FHIT: variants seen among roughly 807,000 people sequenced by gnomAD.
The protein encoded by FHIT is fragile histidine triad diadenosine triphosphatase, also known as bis(5'-adenosyl)-triphosphatase.
FHIT carries 19 observed loss-of-function variants against 17.9 expected under a neutral mutation model. That is an observed-to-expected ratio of 1.06 (90% CI 0.74 to 1.56). The LOEUF (loss-of-function observed/expected upper bound fraction) is 1.56, where lower values mean the gene tolerates loss of function less well. FHIT is among the 40% of genes most tolerant of loss of function. The pLI is 0.00. For missense variants in FHIT, 248 were observed against 189.2 expected, an observed-to-expected ratio of 1.31 and a Z score of -1.82; for synonymous variants, 81 against 69.7, an observed-to-expected ratio of 1.16 and a Z score of -0.81.
chr3:59,786,639 T>C (rs1308399847), intron 8 of FHIT, among the ~76,000 whole-genome samples: 1 of 152,268 alleles, frequency 6.6e-6, no homozygotes, highest in African/African-American at 2.4e-5. Context: ...CTGTGGCTCA[T>C]CTGTAACCTC....
intron 5 of FHIT, among the ~76,000 whole-genome samples, chr3:60,513,630 A>C (rs538150909): frequency 2.0e-5 from 3 of 152,190 alleles, no homozygotes; most frequent in Non-Finnish European, 4.4e-5. Flanking sequence ...ACCAAACACC[A>C]CATGTTCTCA....
chr3:60,638,482 C>G (rs1420729520), intron 4 of FHIT, among the ~76,000 whole-genome samples: 3 of 152,104 alleles, frequency 2.0e-5, no homozygotes, highest in African/African-American at 7.2e-5. Context: ...ATCAGTGGTT[C>G]CCATACTTTG....
chr3:60,466,975 A>G (rs1431024894), intron 5 of FHIT, among the ~76,000 whole-genome samples: 1 of 152,034 alleles, frequency 6.6e-6, no homozygotes, highest in Non-Finnish European at 1.5e-5. Context: ...CGCATTTGCT[A>G]AAATTCAGCA....
At chr3:60,400,994 T>C (rs887785942) in intron 5 of FHIT, among the ~76,000 whole-genome samples, 2 of 152,118 alleles carry the variant, frequency 1.3e-5, no homozygotes, top group Non-Finnish European at 2.9e-5. Flanking sequence ...TTGGTGCCTT[T>C]ACAGAGAACA....
At chr3:60,559,696 A>C (rs2856045) in intron 4 of FHIT, among the ~76,000 whole-genome samples, 2 of 151,996 alleles carry the variant, frequency 1.3e-5, no homozygotes, top group East Asian at 1.9e-4. Context: ...GATGGAAAGC[A>C]TATGTATCTC....
At chr3:60,924,281 C>G (rs1373095482) in intron 3 of FHIT, among the ~76,000 whole-genome samples, 3 of 152,152 alleles carry the variant, frequency 2.0e-5, no homozygotes, top group African/African-American at 7.2e-5. Context: ...CCCTGACCCC[C>G]GAGTAGCCTA....
At chr3:61,181,062 G>A (rs1335516449) in intron 2 of FHIT, among the ~76,000 whole-genome samples, 1 of 152,102 alleles carries the variant, frequency 6.6e-6, no homozygotes, top group African/African-American at 2.4e-5. Context: ...CCAAATACAA[G>A]GAAAGTAAAC....
At chr3:59,752,920 T>G (rs1470654945) in intron 8 of FHIT, among the ~76,000 whole-genome samples, 1 of 152,182 alleles carries the variant, frequency 6.6e-6, no homozygotes, top group African/African-American at 2.4e-5. Context: ...ACTGTAAGAA[T>G]GGACTAATAC....
chr3:60,861,155 AC>A (rs1377509172), intron 3 of FHIT, among the ~76,000 whole-genome samples: 2 of 9,088 alleles, frequency 2.2e-4, no homozygotes, highest in Non-Finnish European at 4.3e-4. Flanking sequence ...TGATCTATAT[AC>A]ATATATATCA....
chr3:60,558,917 C>A (rs2036836430), intron 4 of FHIT, among the ~76,000 whole-genome samples: 1 of 152,158 alleles, frequency 6.6e-6, no homozygotes, highest in Non-Finnish European at 1.5e-5. Flanking sequence ...CCATTTCAAG[C>A]TAAGGATGTG....
At chr3:61,155,155 G>C (rs950919025) in intron 2 of FHIT, among the ~76,000 whole-genome samples, 1 of 152,178 alleles carries the variant, frequency 6.6e-6, no homozygotes, top group African/African-American at 2.4e-5. Context: ...ACTTGGAGCA[G>C]CTGGTTTCTT....
At chr3:60,454,770 T>C (rs963395365) in intron 5 of FHIT, among the ~76,000 whole-genome samples, 84 of 152,256 alleles carry the variant, frequency 5.5e-4, no homozygotes, top group African/African-American at 2.0e-3. Context: ...TTCTGGGCAC[T>C]AGTCACTGTG....
At chr3:59,977,245 A>G (rs57581364) in intron 7 of FHIT, among the ~76,000 whole-genome samples, 129 of 152,254 alleles carry the variant, frequency 8.5e-4, no homozygotes, top group African/African-American at 3.1e-3. Flanking sequence ...TGACTTAGCC[A>G]CTAGGCAAGT....
At chr3:60,395,965 T>C (rs1408115926) in intron 5 of FHIT, among the ~76,000 whole-genome samples, 1 of 152,064 alleles carries the variant, frequency 6.6e-6, no homozygotes, top group Non-Finnish European at 1.5e-5. Context: ...TGGTAAATAA[T>C]GTCAACTCCA....
intron 7 of FHIT, among the ~76,000 whole-genome samples, chr3:59,925,675 C>G (rs971848484): frequency 6.6e-6 from 1 of 152,124 alleles, no homozygotes; most frequent in Non-Finnish European, 1.5e-5. Context: ...ACTTGAAATT[C>G]GCCGTGACAC....
At chr3:60,432,214 G>A (rs563094543) in intron 5 of FHIT, among the ~76,000 whole-genome samples, 12 of 152,120 alleles carry the variant, frequency 7.9e-5, no homozygotes, top group African/African-American at 2.2e-4. Context: ...GAGCTCAAGC[G>A]ATGCACCTGC....
At chr3:60,404,238 C>G (rs2107200743) in intron 5 of FHIT, among the ~76,000 whole-genome samples, 1 of 152,212 alleles carries the variant, frequency 6.6e-6, no homozygotes, top group South Asian at 2.1e-4. Flanking sequence ...TGCCAAGAAC[C>G]TGGACACACT....
chr3:60,794,373 AATG>A (rs1462712617), intron 4 of FHIT, among the ~76,000 whole-genome samples: 5 of 149,506 alleles, frequency 3.3e-5, no homozygotes, highest in Non-Finnish European at 5.9e-5. Context: ...GGGAAGGAAA[AATG>A]GATGGATGGA....
intron 1 of FHIT, among the ~76,000 whole-genome samples, chr3:61,216,767 G>A (rs2039689013): frequency 6.6e-6 from 1 of 152,112 alleles, no homozygotes; most frequent in Admixed American, 6.5e-5. Context: ...ATGACAGACT[G>A]GATTAAGAAA....
Sources: allele counts gnomAD v4.1 joint callset (sites outside exome capture counted in the v4.1 genomes callset), GRCh38; gene constraint gnomAD v4.1.1; transcripts MANE v1.5; gene names NCBI Gene and HGNC (gene_info 2026-07-23, HGNC 2026-07-21).